The following SLC7A10 variants were observed in gnomAD, a reference collection of about 807,000 sequenced individuals.
SLC7A10 encodes solute carrier family 7 member 10, also known as asc-type amino acid transporter 1.
Under a neutral mutation model 52.7 loss-of-function variants are expected in SLC7A10, and 30 were observed. The observed-to-expected ratio is 0.57, with a 90% CI of 0.43 to 0.77. SLC7A10 has a LOEUF of 0.77. SLC7A10 is among the 30% of genes least tolerant of loss of function. The pLI is 0.00. For synonymous variants in SLC7A10, 318 were observed against 314.9 expected (o/e 1.01, Z -0.10); for missense variants, 581 against 698.5 (o/e 0.83, Z 1.90).
intron 1 of SLC7A10, among the ~76,000 whole-genome samples, chr19:33,222,788 T>A (rs1427475602): frequency 1.3e-5 from 2 of 152,178 alleles, no homozygotes; most frequent in African/African-American, 4.8e-5. Flanking sequence ...CCATCTGTGC[T>A]TGCAGTGGCC....
Position 33,208,689 on chromosome 19 carries a change from G to T in SLC7A10, c.*202C>A. On this transcript the variant is annotated 3_prime_UTR_variant, in exon 11 of 11. Coordinates refer to ENST00000253188, the MANE Select transcript of SLC7A10 (RefSeq NM_019849.3). This position sits in a 1 kb window ranked among gnomAD's most constrained non-coding sequence, Gnocchi z 4.7. ...GAACAGCCAGCCCTGTTTATTTATA[G>T]GCCTTTTCAGGAAGAGCTAGCAGGG... The T allele has an allele frequency of 1.5e-6, 1 of 662,212 alleles. No homozygotes were observed. The highest frequency in any genetic ancestry group is 2.6e-6 in the Non-Finnish European group (1 of 391,106). 41.0% of individuals were successfully genotyped at this position (662,212 alleles called of 1,614,324 possible).
intron 7 of SLC7A10, 65 bp downstream of exon 7, chr19:33,211,160 A>G: frequency 6.7e-7 from 1 of 1,490,972 alleles, no homozygotes; most frequent in Non-Finnish European, 9.4e-7. Context: ...GGCCCACGGC[A>G]TGACTGGTGC....
At position 33,212,924 on chromosome 19, in the gene SLC7A10, G is replaced by A. The variant is rs144027485; in HGVS notation, c.435C>T (p.Tyr145=). 116 of 1,614,090 alleles carry A rather than the reference G, an allele frequency of 7.2e-5. No homozygotes were observed. Among genetic ancestry groups the A allele is most frequent in the Non-Finnish European group, 9.0e-5 (106 of 1,180,040 alleles). Residue 145 remains tyrosine (Y), a synonymous_variant, in exon 3 of 11, where the codon TAC becomes TAT. Transcript: ENST00000253188. ...AGTTGGGGAACACGGGCTGCAGCAC[G>A]TAGTTGGAGAAGGTCATGGAGATGA... is the stretch of plus-strand genomic sequence containing the variant. The part of the protein sequence containing the change: ...LAVISMTFSN[Y]VLQPVFPNCI...
chr19:33,218,659 G>GGATT (rs1379192979), intron 1 of SLC7A10, among the ~76,000 whole-genome samples: 1 of 49,114 alleles, frequency 2.0e-5, no homozygotes, highest in East Asian at 5.4e-4. Flanking sequence ...AGGGACCGGT[G>GGATT]GATTTCTTTC....
rs777398961 is a variant in SLC7A10 at position 33,210,533 on chromosome 19, G to A, written c.1197C>T (p.Tyr399=). 3.7e-5 allele frequency: 59 copies of A among 1,611,144 alleles called. No individual in the cohort carries two copies. The highest frequency in any genetic ancestry group is 5.0e-5 in the Admixed American group (3 of 59,988). The change falls in exon 9 of 11, where the codon TAC becomes TAT. Residue 399 remains tyrosine, a synonymous_variant. Coordinates refer to ENST00000253188, the MANE Select transcript of SLC7A10 (RefSeq NM_019849.3). The surrounding 1 kb of genome is among the most constrained non-coding windows in gnomAD (Gnocchi z 5.6). ...GCAGCAGGCCCAGGATGGTGACGCC[G>A]TAGCAGAGGTAGTTGATGAAGGACA... ...NYVSFINYLC[Y]GVTILGLLLL... is the part of the protein sequence containing the mutation.
At position 33,208,677 on chromosome 19, in the gene SLC7A10, T is replaced by G. The variant is rs565890210; in HGVS notation, c.*214A>C. ...CATAGCACGAGCGAACAGCCAGCCC[T>G]GTTTATTTATAGGCCTTTTCAGGAA... On this transcript the variant is annotated 3_prime_UTR_variant, in exon 11 of 11. Coordinates refer to ENST00000253188, the MANE Select transcript of SLC7A10 (RefSeq NM_019849.3). The surrounding 1 kb of genome is among the most constrained non-coding windows in gnomAD (Gnocchi z 4.7). 3.0e-5 allele frequency: 19 copies of G among 634,288 alleles called. No homozygotes were observed. In the African/African-American group the frequency reaches 3.1e-4, roughly 10 times the overall value. The allele number at this position is 634,288 out of a possible 1,614,324, so 39.3% of individuals were successfully genotyped here. A position where few individuals can be genotyped will look rare whatever the true frequency, so the allele number is the denominator to read the frequency against.
chr19:33,214,328 G>C (rs1974622998), intron 2 of SLC7A10, among the ~76,000 whole-genome samples: 1 of 152,094 alleles, frequency 6.6e-6, no homozygotes, highest in South Asian at 2.1e-4. Flanking sequence ...TTTCAGCCCA[G>C]ACTTTTCCTC....
intron 1 of SLC7A10, among the ~76,000 whole-genome samples, chr19:33,218,389 G>A (rs74670148): frequency 0.026 from 4,031 of 152,240 alleles, 160 homozygotes; most frequent in African/African-American, 0.086. Context: ...GACCACAGGC[G>A]TTAGCCAGTG....
intron 1 of SLC7A10, among the ~76,000 whole-genome samples, chr19:33,225,219 G>A (rs1738436095): frequency 1.3e-5 from 2 of 152,250 alleles, no homozygotes; most frequent in African/African-American, 2.4e-5. Context: ...CTAATCGCAG[G>A]ACTGCAGTCA....
Position 33,209,036 on chromosome 19 carries a change from A to T in SLC7A10, c.1442-15T>A. 1.2e-6 allele frequency: 2 copies of T among 1,613,350 alleles called. No individual in the cohort carries two copies. The highest frequency in any genetic ancestry group is 1.7e-6 in the Non-Finnish European group (2 of 1,179,966). The stretch of plus-strand genomic sequence containing the variant: ...TGTCATGGACTCTGAGGACAGACAG[A>T]TGGACCTTGGGGCCTGACCTCTCGG... On this transcript the variant is annotated splice_polypyrimidine_tract_variant and intron_variant, in intron 10 of 10. Transcript: ENST00000253188.
At position 33,215,750 on chromosome 19, in the gene SLC7A10, G is replaced by T. The variant is rs1200023368; in HGVS notation, c.356+19C>A. 1.3e-6 allele frequency: 2 copies of T among 1,549,022 alleles called. No individual in the cohort carries two copies. Among genetic ancestry groups the T allele is most frequent in the Middle Eastern group, 3.5e-4 (2 of 5,772 alleles). ...TTCCCAAGAGGGTGTCCCCCTGCCC[G>T]CTGGTGCCCCACACTCACCCAGCCA... On this transcript the variant is annotated intron_variant, in intron 2 of 10. Coordinates refer to ENST00000253188, the MANE Select transcript of SLC7A10 (RefSeq NM_019849.3).
rs201093668 is a variant in SLC7A10, at chr19:33,218,665, C to CTT, written c.152-2694_152-2693dup. ...GGGTATGGGAGGGACCGGTGGATTT[C>CTT]TTTCTTTCTTTCTTTCTTTTTTTTT... On this transcript the variant is annotated intron_variant, in intron 1 of 10. Coordinates refer to ENST00000253188, the MANE Select transcript of SLC7A10 (RefSeq NM_019849.3). 8.5e-3 allele frequency among the ~76,000 whole-genome samples: 550 copies of CTT among 64,628 alleles called. 14 individuals carry two copies. Among genetic ancestry groups the CTT allele is most frequent in the African/African-American group, 0.027 (518 of 19,164 alleles). The allele number at this position is 64,628 out of a possible 152,430, so 42.4% of individuals were successfully genotyped here.
At chr19:33,209,150 T>C in intron 10 of SLC7A10, 129 bp from the exon 11 acceptor site, 1 of 1,538,202 alleles carries the variant, frequency 6.5e-7, no homozygotes, top group Non-Finnish European at 8.9e-7. Flanking sequence ...TCTGGAAACT[T>C]TGGGTACATC....
chr19:33,210,997 GCCCAGCAGC>G lies in SLC7A10; in HGVS notation c.1017-108_1017-100del. 4 of 1,184,694 alleles carry G rather than the reference GCCCAGCAGC, an allele frequency of 3.4e-6. No individual in the cohort carries two copies. The highest frequency in any genetic ancestry group is 5.0e-6 in the Non-Finnish European group (4 of 807,142). The allele number at this position is 1,184,694 out of a possible 1,614,324, so 73.4% of individuals were successfully genotyped here. On this transcript the variant is annotated intron_variant, in intron 7 of 10. Coordinates refer to ENST00000253188, the MANE Select transcript of SLC7A10 (RefSeq NM_019849.3). The surrounding 1 kb of genome is among the most constrained non-coding windows in gnomAD (Gnocchi z 5.6). ...TGTCGCCTCTGACCTCCTGCTCCGGGCCCAGCAGCCCCACTGGACAGTTCTCCCCCTCAT... is the reference window on the plus strand; with the variant it reads ...TGTCGCCTCTGACCTCCTGCTCCGGGCCCACTGGACAGTTCTCCCCCTCAT...
intron 1 of SLC7A10, among the ~76,000 whole-genome samples, chr19:33,224,830 G>T (rs1028894181): frequency 2.0e-5 from 3 of 152,212 alleles, no homozygotes; most frequent in Non-Finnish European, 2.9e-5. Flanking sequence ...CCATTCTCAG[G>T]TGGGGACTTT....
intron 1 of SLC7A10, 115 bp from the exon 2 acceptor site, chr19:33,216,088 G>A: frequency 1.0e-6 from 1 of 957,520 alleles, no homozygotes; most frequent in Non-Finnish European, 1.5e-6. Flanking sequence ...CTTCCCGGAG[G>A]AGGAGGAGGC....
chr19:33,210,807 CGAG>C lies in SLC7A10; in HGVS notation c.1105_1107del (p.Leu369del). On this transcript the variant is annotated inframe_deletion, in exon 8 of 11. Coordinates refer to ENST00000253188, the MANE Select transcript of SLC7A10 (RefSeq NM_019849.3). The surrounding 1 kb of genome is among the most constrained non-coding windows in gnomAD (Gnocchi z 5.6). The stretch of plus-strand genomic sequence containing the variant: ...GCCCAGGTCCCCCAACTTACACAGA[CGAG>C]GAGGGCGGGGATGGGGGTGCAGTGT... 1 of 1,613,460 alleles carries C rather than the reference CGAG, an allele frequency of 6.2e-7. No homozygotes were observed. Among genetic ancestry groups the C allele is most frequent in the Non-Finnish European group, 8.5e-7 (1 of 1,180,008 alleles).
chr19:33,224,998 CAT>C (rs1974891655), intron 1 of SLC7A10, among the ~76,000 whole-genome samples: 1 of 152,210 alleles, frequency 6.6e-6, no homozygotes, highest in Non-Finnish European at 1.5e-5. Context: ...ACCCTGCAGT[CAT>C]TGCCTGCTCT....
chr19:33,215,765 TCACC>T lies in SLC7A10; in HGVS notation c.356_356+3del. The T allele has an allele frequency of 6.4e-7, 1 of 1,553,176 alleles. No individual in the cohort carries two copies. Among genetic ancestry groups the T allele is most frequent in the Non-Finnish European group, 8.7e-7 (1 of 1,148,128 alleles). On this transcript the variant is annotated splice_donor_variant and splice_donor_region_variant and coding_sequence_variant and intron_variant, in exon 2 of 11. Transcript: ENST00000253188. LOFTEE classifies it high-confidence loss of function. ...CCCCCTGCCCGCTGGTGCCCCACAC[TCACC>T]CAGCCAGGCCCCCGAAGATCTCTGT...
Sources: gnomAD v4.1 joint callset for allele counts (sites outside exome capture counted in the v4.1 genomes callset) on GRCh38, gnomAD v4.1.1 for gene constraint, Gnocchi (gnomAD v3.1) non-coding constraint, MANE v1.5 for transcripts, NCBI Gene and HGNC (gene_info 2026-07-23, HGNC 2026-07-21) for gene names.